Variants in TIE1 observed in about 807,000 individuals in gnomAD.
TIE1 encodes tyrosine kinase with immunoglobulin like and EGF like domains 1.
In TIE1, 89 loss-of-function variants were observed where a neutral mutation model predicts 130.5. The observed-to-expected ratio is 0.68, with a 90% CI of 0.57 to 0.81. The LOEUF (loss-of-function observed/expected upper bound fraction) is 0.81. TIE1 is among the 40% of genes least tolerant of loss of function. The pLI is 0.00. For synonymous variants in TIE1, 568 were observed against 629.4 expected, an observed-to-expected ratio of 0.90 and a Z score of 1.46; for missense variants, 1,392 against 1,559.8, an observed-to-expected ratio of 0.89 and a Z score of 1.81.
At chr1:43,308,780 G>A in intron 7 of TIE1, 1 of 697,184 alleles carries the variant, frequency 1.4e-6, no homozygotes, top group Non-Finnish European at 2.6e-6. Flanking sequence ...GTATCGGGAA[G>A]TGGGGAGGTG....
rs1646815591 is a variant in TIE1, at chr1:43,313,058, T to C, written c.1928-77T>C. The stretch of plus-strand genomic sequence containing the variant: ...GGACCCACAGAGGAGGGAGCACAGC[T>C]AGAGCAGATGTGTCCAGCCCCACAG... On this transcript the variant is annotated intron_variant, in intron 12 of 22. Transcript: ENST00000372476. The surrounding 1 kb of genome is among the most constrained non-coding windows in gnomAD (Gnocchi z 6.2). 2.0e-6 allele frequency: 3 copies of C among 1,496,420 alleles called. No individual in the cohort carries two copies. Among genetic ancestry groups the C allele is most frequent in the Non-Finnish European group, 2.7e-6 (3 of 1,111,632 alleles). The allele number at this position is 1,496,420 out of a possible 1,614,324, so 92.7% of individuals were successfully genotyped here.
At position 43,321,619 on chromosome 1, in the gene TIE1, C is replaced by G. The variant is rs924767955; in HGVS notation, c.3249C>G (p.Tyr1083Ter). 1 of 1,553,818 alleles carries G rather than the reference C, an allele frequency of 6.4e-7. No homozygotes were observed. Among genetic ancestry groups the G allele is most frequent in the African/African-American group, 1.4e-5 (1 of 73,176 alleles). ...EQPRNCDDEV[Y>*]ELMRQCWRDR... ...TCTCAGCAATGCCCCCTCGCAGGTA[C>G]GAGCTGATGCGTCAGTGCTGGCGGG... Residue 1083 changes from tyrosine to a stop codon, truncating the protein, a stop_gained, in exon 22 of 23, where the codon TAC becomes TAG. Coordinates refer to ENST00000372476, the MANE Select transcript of TIE1 (RefSeq NM_005424.5). LOFTEE classifies it high-confidence loss of function.
chr1:43,323,032 C>A lies in TIE1; in HGVS notation c.*310C>A. The A allele has an allele frequency of 2.6e-6, 1 of 381,470 alleles. No homozygotes were observed. The allele number at this position is 381,470 out of a possible 1,614,324, so 23.6% of individuals were successfully genotyped here. The stretch of plus-strand genomic sequence containing the variant: ...TCCTTCGCTTAAGCCAGCACTCACA[C>A]CACTAACATGCCCTGTTCAGCTACT... On this transcript the variant is annotated 3_prime_UTR_variant, in exon 23 of 23. Transcript: ENST00000372476.
chr1:43,302,326 G>A (rs1646678379), intron 1 of TIE1: 1 of 152,208 alleles, frequency 6.6e-6, no homozygotes, highest in Admixed American at 6.5e-5. Flanking sequence ...ACTGTGCTTG[G>A]TAAGGATTTC....
rs1466430056 is a variant in TIE1 at position 43,322,854 on chromosome 1, A to G, written c.*132A>G. 7 of 801,792 alleles carry G rather than the reference A, an allele frequency of 8.7e-6. No individual in the cohort carries two copies. The South Asian group carries it at 1.0e-4, about 12-fold the overall frequency. 49.7% of individuals were successfully genotyped at this position (801,792 alleles called of 1,614,324 possible). On this transcript the variant is annotated 3_prime_UTR_variant, in exon 23 of 23. Coordinates refer to ENST00000372476, the MANE Select transcript of TIE1 (RefSeq NM_005424.5). This position sits in a 1 kb window ranked among gnomAD's most constrained non-coding sequence, Gnocchi z 4.0. Reference sequence around the variant, plus strand: ...TTTTTTTAACTTAAGGGAGAAAAAAAGGGATCTGGGGATGGGGTGGGCTTA... The same window carrying G: ...TTTTTTTAACTTAAGGGAGAAAAAAGGGGATCTGGGGATGGGGTGGGCTTA...
Position 43,317,741 on chromosome 1 carries a change from A to G in TIE1, c.2731+67A>G. The G allele has an allele frequency of 6.8e-7, 1 of 1,464,876 alleles. No individual in the cohort carries two copies. The allele number at this position is 1,464,876 out of a possible 1,614,324, so 90.7% of individuals were successfully genotyped here. A position where few individuals can be genotyped will look rare whatever the true frequency, so the allele number is the denominator to read the frequency against. On this transcript the variant is annotated intron_variant, in intron 16 of 22. Coordinates refer to ENST00000372476, the MANE Select transcript of TIE1 (RefSeq NM_005424.5). The surrounding 1 kb of genome is among the most constrained non-coding windows in gnomAD (Gnocchi z 5.1). ...CATCCTCAGCCATCACCTCCACCAC[A>G]TGAGTAGCTTGCCAGGGGCTGCTGG...
At chr1:43,320,726 G>C in intron 19 of TIE1, 1 of 152,240 alleles carries the variant, frequency 6.6e-6, no homozygotes, top group East Asian at 1.9e-4. Context: ...ATGGTGGCGG[G>C]CACCTGTAGT....
At position 43,313,038 on chromosome 1, in the gene TIE1, C is replaced by A; in HGVS notation, c.1928-97C>A. 1 of 1,421,440 alleles carries A rather than the reference C, an allele frequency of 7.0e-7. No homozygotes were observed. Among genetic ancestry groups the A allele is most frequent in the Non-Finnish European group, 9.5e-7 (1 of 1,053,306 alleles). 88.1% of individuals were successfully genotyped at this position (1,421,440 alleles called of 1,614,324 possible). On this transcript the variant is annotated intron_variant, in intron 12 of 22. Transcript: ENST00000372476. The surrounding 1 kb of genome is among the most constrained non-coding windows in gnomAD (Gnocchi z 6.2). ...GCAGGGTGGCCCCTGTGCTTGGACC[C>A]ACAGAGGAGGGAGCACAGCTAGAGC...
In TIE1 at chr1:43,315,240, T is replaced by C. The variant is rs548185388; in HGVS notation, c.2409+1272T>C. ...TCCTTGGCCTTCCAGGCCTGGACTCTTGATATTTAGAGCTAAGCTTTGGCA... is the reference window on the plus strand; with the variant it reads ...TCCTTGGCCTTCCAGGCCTGGACTCCTGATATTTAGAGCTAAGCTTTGGCA... On this transcript the variant is annotated intron_variant, in intron 14 of 22. Transcript: ENST00000372476. This position sits in a 1 kb window ranked among gnomAD's most constrained non-coding sequence, Gnocchi z 4.4. 6.6e-6 allele frequency: 1 copy of C among 152,284 alleles called. No individual in the cohort carries two copies. Among genetic ancestry groups the C allele is most frequent in the Non-Finnish European group, 1.5e-5 (1 of 68,066 alleles). 9.4% of individuals were successfully genotyped at this position (152,284 alleles called of 1,614,324 possible).
In TIE1 at chr1:43,305,041, C is replaced by T. The variant is rs780338094; in HGVS notation, c.249C>T (p.Asn83=). 1.3e-6 allele frequency: 2 copies of T among 1,595,222 alleles called. No individual in the cohort carries two copies. Among genetic ancestry groups the T allele is most frequent in the Non-Finnish European group, 1.7e-6 (2 of 1,168,670 alleles). The change falls in exon 2 of 23, where the codon AAC becomes AAT. Residue 83 remains asparagine, a synonymous_variant. Coordinates refer to ENST00000372476, the MANE Select transcript of TIE1 (RefSeq NM_005424.5). ...PPGPPLRLAR[N]GSHQVTLRGF... ...GGCCACCCCTGCGCCTGGCGCGCAA[C>T]GGTTCGCACCAGGTCACGCTTCGCG...
chr1:43,301,725 C>T (rs1450502549), intron 1 of TIE1, among the ~76,000 whole-genome samples: 2 of 151,998 alleles, frequency 1.3e-5, no homozygotes, highest in Admixed American at 6.6e-5. Context: ...AAAAATTAGC[C>T]GGGCGTGGTG....
chr1:43,319,504 A>G lies in TIE1; in HGVS notation c.3082A>G (p.Ser1028Gly). ...GATGGCCATTGAGTCCCTGAACTAC[A>G]GTGTCTATACCACCAAGAGTGATGT... ...RWMAIESLNY[S>G]VYTTKSDVWS... Residue 1028 changes from serine (S) to glycine (G), a missense_variant, in exon 19 of 23, where the codon AGT (serine) becomes GGT (glycine). Ser to Gly is a moderately conservative substitution (Grantham distance 56, BLOSUM62 0). Coordinates refer to ENST00000372476, the MANE Select transcript of TIE1 (RefSeq NM_005424.5). The surrounding 1 kb of genome is among the most constrained non-coding windows in gnomAD (Gnocchi z 4.7). 6.2e-7 allele frequency: 1 copy of G among 1,613,954 alleles called. No homozygotes were observed. Among genetic ancestry groups the G allele is most frequent in the Non-Finnish European group, 8.5e-7 (1 of 1,179,972 alleles).
At chr1:43,301,207 A>G in intron 1 of TIE1, 78 bp downstream of exon 1, 1 of 1,497,922 alleles carries the variant, frequency 6.7e-7, no homozygotes, top group South Asian at 1.3e-5. Flanking sequence ...CTATTTTATC[A>G]TAGAGACAGA....
At position 43,318,271 on chromosome 1, in the gene TIE1, G is replaced by C. The variant is rs906642776; in HGVS notation, c.2922+199G>C. 2.0e-5 allele frequency among the ~76,000 whole-genome samples: 3 copies of C among 152,176 alleles called. No individual in the cohort carries two copies. Among genetic ancestry groups the C allele is most frequent in the Non-Finnish European group, 4.4e-5 (3 of 68,020 alleles). On this transcript the variant is annotated intron_variant, in intron 17 of 22. Coordinates refer to ENST00000372476, the MANE Select transcript of TIE1 (RefSeq NM_005424.5). This position sits in a 1 kb window ranked among gnomAD's most constrained non-coding sequence, Gnocchi z 4.4. ...GGGGACTTCCAGTATGGAGGGTGCG[G>C]GTGTTGAGTGAGCAGGTCTAGATGC...
Position 43,313,987 on chromosome 1 carries a change from C to A in TIE1, c.2409+19C>A. ...AGGCTCGGTCAGTGACCCGCCCCGC[C>A]CCTGGGTGCATGCTTGCAGCCCGTG... On this transcript the variant is annotated intron_variant, in intron 14 of 22. Transcript: ENST00000372476. This position sits in a 1 kb window ranked among gnomAD's most constrained non-coding sequence, Gnocchi z 6.2. The A allele has an allele frequency of 1.2e-6, 2 of 1,613,902 alleles. No homozygotes were observed. Among genetic ancestry groups the A allele is most frequent in the Non-Finnish European group, 8.5e-7 (1 of 1,179,874 alleles).
chr1:43,310,865 C>T lies in TIE1; in HGVS notation c.1334-806C>T, dbSNP rs1288250436. The stretch of plus-strand genomic sequence containing the variant: ...TGCCTGACACTCCCTCAGCTTACAG[C>T]GCGGCATCCTTTTCCTCCCTCGCTC... On this transcript the variant is annotated intron_variant, in intron 9 of 22. Coordinates refer to ENST00000372476, the MANE Select transcript of TIE1 (RefSeq NM_005424.5). Among the ~76,000 whole-genome samples the T allele has an allele frequency of 2.6e-5, 4 of 152,192 alleles. No homozygotes were observed. In the South Asian group the frequency reaches 6.2e-4, roughly 24 times the overall value.
chr1:43,302,896 T>C (rs1364777756), intron 1 of TIE1, among the ~76,000 whole-genome samples: 2 of 151,958 alleles, frequency 1.3e-5, no homozygotes, highest in African/African-American at 4.8e-5. Context: ...CAGGAAACAA[T>C]GTGCAGAATT....
intron 22 of TIE1, 66 bp downstream of exon 22, chr1:43,321,781 G>A (rs1286606061): frequency 2.1e-6 from 3 of 1,460,478 alleles, no homozygotes; most frequent in South Asian, 2.4e-5. Context: ...CCTCTCAGAG[G>A]TGCCATGACC....
rs369899704 is a variant in TIE1 at position 43,305,129 on chromosome 1, C to A, written c.337C>A (p.Arg113Ser). 1 of 1,613,634 alleles carries A rather than the reference C, an allele frequency of 6.2e-7. No individual in the cohort carries two copies. Among genetic ancestry groups the A allele is most frequent in the African/African-American group, 1.3e-5 (1 of 74,912 alleles). ...CTGCGTGGGCGGTGCTGGGGCGCGGCGCACGCGCGTCATCTACGTGCACAA... is the reference window on the plus strand; with the variant it reads ...CTGCGTGGGCGGTGCTGGGGCGCGGAGCACGCGCGTCATCTACGTGCACAA... ...FSCVGGAGAR[R>S]TRVIYVHNSP... Residue 113 changes from arginine to serine, a missense_variant, in exon 2 of 23, where the codon CGC becomes AGC. Arg to Ser is a moderately radical substitution (Grantham distance 110). Around this residue, in one of 6 missense-constraint regions of TIE1, gnomAD observed 415 missense variants for 424.8 expected, o/e 0.98. Coordinates refer to ENST00000372476, the MANE Select transcript of TIE1 (RefSeq NM_005424.5).
Sources: allele counts gnomAD v4.1 joint callset (sites outside exome capture counted in the v4.1 genomes callset), GRCh38; gene constraint gnomAD v4.1.1; regional missense constraint gnomAD v4.1.1; non-coding constraint Gnocchi (gnomAD v3.1); transcripts MANE v1.5; gene names NCBI Gene and HGNC (gene_info 2026-07-23, HGNC 2026-07-21).